CACNA2D3: variants seen among roughly 807,000 people sequenced by gnomAD.
CACNA2D3 encodes calcium voltage-gated channel auxiliary subunit alpha2delta 3, also known as voltage-dependent calcium channel subunit alpha-2/delta-3.
Under a neutral mutation model 160.6 loss-of-function variants are expected in CACNA2D3, and 60 were observed. The ratio of observed to expected loss-of-function variants is 0.37; its 90% CI spans 0.30 to 0.46. The LOEUF is 0.46. CACNA2D3 is among the 20% of genes least tolerant of loss of function. The pLI is 1.00. For missense variants in CACNA2D3, 1,205 were observed against 1,365.0 expected, an observed-to-expected ratio of 0.88 and a Z score of 1.85; for synonymous variants, 558 against 492.9, an observed-to-expected ratio of 1.13 and a Z score of -1.75.
chr3:54,288,813 G>A (rs1216718963), intron 2 of CACNA2D3, among the ~76,000 whole-genome samples: 1 of 152,066 alleles, frequency 6.6e-6, no homozygotes, highest in Non-Finnish European at 1.5e-5. Context: ...CAGAACCAAA[G>A]ACAAAAACCA....
intron 34 of CACNA2D3, among the ~76,000 whole-genome samples, chr3:55,013,154 A>G (rs1186144927): frequency 6.6e-6 from 1 of 152,120 alleles, no homozygotes; most frequent in Non-Finnish European, 1.5e-5. Context: ...GTGCTTTGCC[A>G]TTTCCAGAGA....
At chr3:54,982,532 A>G (rs1283094461) in intron 29 of CACNA2D3, among the ~76,000 whole-genome samples, 1 of 152,074 alleles carries the variant, frequency 6.6e-6, no homozygotes, top group East Asian at 1.9e-4. Context: ...TTCACCAGAA[A>G]GATGTTACTG....
intron 4 of CACNA2D3, among the ~76,000 whole-genome samples, chr3:54,455,453 A>G (rs969718741): frequency 6.6e-6 from 1 of 151,950 alleles, no homozygotes; most frequent in South Asian, 2.1e-4. Context: ...CTAATGTTGT[A>G]TGAGTTTTTT....
chr3:54,802,135 C>A (rs551710671), intron 13 of CACNA2D3, among the ~76,000 whole-genome samples: 16 of 152,292 alleles, frequency 1.1e-4, no homozygotes, highest in African/African-American at 3.9e-4. Context: ...CCTCTTTCAA[C>A]ATCACCATAA....
At chr3:54,902,444 G>A (rs957182185) in intron 27 of CACNA2D3, among the ~76,000 whole-genome samples, 13 of 152,302 alleles carry the variant, frequency 8.5e-5, no homozygotes, top group Middle Eastern at 6.8e-3. Context: ...CGCCAGCCTT[G>A]GTGCATAAAT....
chr3:54,939,896 A>T (rs1701423453), intron 27 of CACNA2D3, among the ~76,000 whole-genome samples: 1 of 152,234 alleles, frequency 6.6e-6, no homozygotes, highest in Admixed American at 6.5e-5. Context: ...CAGAGTCTGA[A>T]GATAGAGCAT....
intron 11 of CACNA2D3, among the ~76,000 whole-genome samples, chr3:54,674,828 T>G (rs1221957764): frequency 6.6e-6 from 1 of 152,174 alleles, no homozygotes; most frequent in Non-Finnish European, 1.5e-5. Flanking sequence ...GGGAATGCAG[T>G]ATTGACAATG....
chr3:54,862,040 A>G (rs1699301729), intron 17 of CACNA2D3, among the ~76,000 whole-genome samples: 1 of 152,186 alleles, frequency 6.6e-6, no homozygotes, highest in Non-Finnish European at 1.5e-5. Context: ...TGGATCACCT[A>G]TCCGGTCGAG....
chr3:54,529,608 G>A (rs1701776293), intron 5 of CACNA2D3, among the ~76,000 whole-genome samples: 1 of 152,140 alleles, frequency 6.6e-6, no homozygotes, highest in Non-Finnish European at 1.5e-5. Context: ...GGTTGTTCTG[G>A]AGAGGCTTCT....
At chr3:54,751,808 A>T (rs1701862513) in intron 11 of CACNA2D3, among the ~76,000 whole-genome samples, 1 of 151,894 alleles carries the variant, frequency 6.6e-6, no homozygotes, top group Admixed American at 6.6e-5. Flanking sequence ...GCCCATCCGA[A>T]GGGTTTTGTT....
At chr3:54,358,816 G>T (rs1022795322) in intron 3 of CACNA2D3, among the ~76,000 whole-genome samples, 1 of 152,166 alleles carries the variant, frequency 6.6e-6, no homozygotes, top group Non-Finnish European at 1.5e-5. Flanking sequence ...AAGTCAAAAG[G>T]TAGAGGGAAA....
intron 27 of CACNA2D3, among the ~76,000 whole-genome samples, chr3:54,960,139 C>G (rs1323586685): frequency 6.6e-6 from 1 of 151,642 alleles, no homozygotes; most frequent in African/African-American, 2.4e-5. Flanking sequence ...ATCAGGCCTT[C>G]CTACACTGGT....
Position 55,018,194 on chromosome 3 carries a change from C to T in CACNA2D3, c.2876-12C>T, listed in dbSNP as rs1398941445. ...GCATTCTTTACCTTTTTTTTTCCCA[C>T]TATCCCTACAGCCCAGAAATTGAAA... is the stretch of plus-strand genomic sequence containing the variant. On this transcript the variant is annotated splice_polypyrimidine_tract_variant and intron_variant, in intron 34 of 37. Coordinates refer to ENST00000474759, the MANE Select transcript of CACNA2D3 (RefSeq NM_018398.3). 1 of 1,568,988 alleles carries T rather than the reference C, an allele frequency of 6.4e-7. No individual in the cohort carries two copies. The highest frequency in any genetic ancestry group is 1.7e-5 in the Admixed American group (1 of 59,210).
intron 2 of CACNA2D3, among the ~76,000 whole-genome samples, chr3:54,186,829 C>A (rs1032021281): frequency 2.0e-5 from 3 of 152,176 alleles, no homozygotes; most frequent in African/African-American, 7.2e-5. Context: ...TGCTCACCAA[C>A]GGCAGGCCTC....
intron 2 of CACNA2D3, among the ~76,000 whole-genome samples, chr3:54,152,671 CT>C (rs1319921873): frequency 1.3e-5 from 2 of 152,158 alleles, no homozygotes; most frequent in Non-Finnish European, 1.5e-5. Flanking sequence ...CCTGTCTTCC[CT>C]TCTTAATGTT....
intron 31 of CACNA2D3, among the ~76,000 whole-genome samples, chr3:54,991,821 A>G (rs1204004047): frequency 6.6e-6 from 1 of 152,206 alleles, no homozygotes; most frequent in Non-Finnish European, 1.5e-5. Flanking sequence ...ATTTTCTGAG[A>G]ATTAACTAAA....
At chr3:54,739,337 C>T (rs1239704044) in intron 11 of CACNA2D3, among the ~76,000 whole-genome samples, 1 of 150,332 alleles carries the variant, frequency 6.7e-6, no homozygotes, top group Non-Finnish European at 1.5e-5. Context: ...GGAGAATTGC[C>T]TGAACCTGGG....
At chr3:54,651,442 G>A (rs1340726912) in intron 11 of CACNA2D3, among the ~76,000 whole-genome samples, 2 of 144,294 alleles carry the variant, frequency 1.4e-5, no homozygotes, top group African/African-American at 5.0e-5. Context: ...AAAAAAAAAA[G>A]CAAGGATGGT....
intron 3 of CACNA2D3, among the ~76,000 whole-genome samples, chr3:54,332,227 C>T (rs1052090194): frequency 2.6e-5 from 4 of 152,210 alleles, no homozygotes; most frequent in African/African-American, 7.2e-5. Context: ...ATGTATCCTT[C>T]CTTTTTATCA....
Sources: gnomAD v4.1 joint callset for allele counts (sites outside exome capture counted in the v4.1 genomes callset) on GRCh38, gnomAD v4.1.1 for gene constraint, MANE v1.5 for transcripts, NCBI Gene and HGNC (gene_info 2026-07-23, HGNC 2026-07-21) for gene names.